YEATS2: variants seen among roughly 807,000 people sequenced by gnomAD.
YEATS2 encodes the protein YEATS domain-containing protein 2.
A neutral mutation model predicts 163.2 loss-of-function variants in YEATS2; 77 were observed. The ratio of observed to expected loss-of-function variants is 0.47; its 90% CI spans 0.39 to 0.57. YEATS2 has a LOEUF of 0.57. Among genes scored for constraint, YEATS2 ranks in the 20% least tolerant of loss-of-function variants. YEATS2 has a pLI of 0.00. For synonymous variants in YEATS2, 631 were observed against 645.1 expected (o/e 0.98, Z 0.33); for missense variants, 1,549 against 1,729.8 (o/e 0.90, Z 1.85).
chr3:183,785,714 A>G (rs779731603), intron 19 of YEATS2, among the ~76,000 whole-genome samples: 2 of 152,198 alleles, frequency 1.3e-5, no homozygotes, highest in African/African-American at 2.4e-5. Context: ...CAGTACTAAA[A>G]TGCTAAGCCT....
At chr3:183,724,287 A>G (rs2109075224) in intron 5 of YEATS2, 132 bp from the exon 6 acceptor site, 1 of 651,740 alleles carries the variant, frequency 1.5e-6, no homozygotes, top group African/African-American at 1.8e-5. Context: ...GAGAGGTGCT[A>G]CAAAGCCAGA....
At chr3:183,793,023 T>A (rs984086625) in intron 21 of YEATS2, 1 of 748,124 alleles carries the variant, frequency 1.3e-6, no homozygotes. Context: ...TTCTATAATC[T>A]GGTATAGACA....
chr3:183,798,917 C>A lies in YEATS2; in HGVS notation c.3253C>A (p.Pro1085Thr). The A allele has an allele frequency of 6.2e-7, 1 of 1,614,056 alleles. No individual in the cohort carries two copies. Among genetic ancestry groups the A allele is most frequent in the Non-Finnish European group, 8.5e-7 (1 of 1,179,928 alleles). ...KVVQSFSTSK[P>T]PAILPVAAPT... ...GGTTCAGTCATTTTCTACCAGCAAG[C>A]CACCTGCCATTCTGCCTGTAGCTGC... The change falls in exon 23 of 31, where the codon CCA (proline) becomes ACA (threonine). Residue 1085 changes from proline to threonine, a missense_variant. Coordinates refer to ENST00000305135, the MANE Select transcript of YEATS2 (RefSeq NM_018023.5).
intron 10 of YEATS2, among the ~76,000 whole-genome samples, chr3:183,752,621 A>G (rs1245069999): frequency 2.7e-5 from 4 of 149,860 alleles, no homozygotes; most frequent in African/African-American, 9.8e-5. Flanking sequence ...AGGCAGGAGA[A>G]TGGCTCGAAC....
chr3:183,714,429 C>T (rs993964701), intron 1 of YEATS2, among the ~76,000 whole-genome samples: 2 of 151,648 alleles, frequency 1.3e-5, no homozygotes, highest in East Asian at 1.9e-4. Flanking sequence ...ATCTCCTGAC[C>T]TCGTGATCCG....
intron 6 of YEATS2, among the ~76,000 whole-genome samples, chr3:183,726,276 A>G (rs1193785419): frequency 6.6e-6 from 1 of 152,162 alleles, no homozygotes; most frequent in Non-Finnish European, 1.5e-5. Context: ...ACTTTTGACT[A>G]CTCTGAACCA....
At chr3:183,713,100 G>A (rs949215013) in intron 1 of YEATS2, among the ~76,000 whole-genome samples, 3 of 152,118 alleles carry the variant, frequency 2.0e-5, no homozygotes, top group African/African-American at 7.2e-5. Flanking sequence ...AAGATGTCCT[G>A]TAAGTGTAAA....
intron 12 of YEATS2, 117 bp from the exon 13 acceptor site, chr3:183,758,745 C>A: frequency 1.3e-6 from 1 of 778,810 alleles, no homozygotes; most frequent in Non-Finnish European, 2.1e-6. Context: ...AATGAGTTTT[C>A]AACCCTTAAA....
rs1161648915 is a variant in YEATS2, at chr3:183,758,946, T to G, written c.1637T>G (p.Phe546Cys). The G allele has an allele frequency of 6.3e-7, 1 of 1,582,358 alleles. No individual in the cohort carries two copies. The highest frequency in any genetic ancestry group is 1.4e-5 in the African/African-American group (1 of 73,162). ...GTTCCTAAAATTCATGGAAGTAGTT[T>G]TGTAACATCTACTGTCAAGGTAACA... ...SPVPKIHGSS[F>C]VTSTVKQEDS... Residue 546 changes from phenylalanine to cysteine, a missense_variant, in exon 13 of 31, where the codon TTT becomes TGT. By Grantham distance (205) the Phe-to-Cys change is radical. Coordinates refer to ENST00000305135, the MANE Select transcript of YEATS2 (RefSeq NM_018023.5).
intron 22 of YEATS2, 44 bp downstream of exon 22, chr3:183,798,095 A>G: frequency 2.5e-6 from 4 of 1,607,298 alleles, no homozygotes; most frequent in Non-Finnish European, 3.4e-6. Flanking sequence ...GGCTGCCTCC[A>G]CATCTCCCCG....
chr3:183,809,085 C>T lies in YEATS2; in HGVS notation c.4087-12C>T. ...ATGGCCATTTGAAGAATAACAGCAT[C>T]TTCCATTGTAGGCTACAGAACAGCT... On this transcript the variant is annotated splice_polypyrimidine_tract_variant and intron_variant, in intron 29 of 30. Transcript: ENST00000305135. 1 of 1,614,052 alleles carries T rather than the reference C, an allele frequency of 6.2e-7. No individual in the cohort carries two copies. The highest frequency in any genetic ancestry group is 8.5e-7 in the Non-Finnish European group (1 of 1,179,938).
chr3:183,750,284 T>C (rs1461777957), intron 9 of YEATS2, among the ~76,000 whole-genome samples: 1 of 152,206 alleles, frequency 6.6e-6, no homozygotes, highest in Non-Finnish European at 1.5e-5. Context: ...GGCTGAATAA[T>C]ACTGCATTGT....
chr3:183,804,987 T>TA (rs1726038513), intron 27 of YEATS2, among the ~76,000 whole-genome samples: 2 of 147,818 alleles, frequency 1.4e-5, no homozygotes, highest in East Asian at 2.2e-4. Context: ...AGACTCCGTC[T>TA]CAAAAAAAAA....
At chr3:183,746,978 G>C (rs904514758) in intron 8 of YEATS2, among the ~76,000 whole-genome samples, 8 of 150,316 alleles carry the variant, frequency 5.3e-5, no homozygotes, top group African/African-American at 2.0e-4. Context: ...GTTATCACAA[G>C]TTCTTTTTTT....
At chr3:183,759,819 G>A (rs945043399) in intron 13 of YEATS2, among the ~76,000 whole-genome samples, 3 of 152,224 alleles carry the variant, frequency 2.0e-5, no homozygotes, top group African/African-American at 7.2e-5. Context: ...GGCCTATGAT[G>A]TTTTCCCCTT....
intron 24 of YEATS2, 99 bp from the exon 25 acceptor site, chr3:183,801,356 A>C: frequency 4.1e-6 from 3 of 733,984 alleles, no homozygotes; most frequent in South Asian, 5.1e-5. Flanking sequence ...TAATTCCCTC[A>C]GAACGGAATA....
intron 1 of YEATS2, among the ~76,000 whole-genome samples, chr3:183,713,248 C>T (rs1470199665): frequency 1.3e-5 from 2 of 152,098 alleles, no homozygotes; most frequent in African/African-American, 4.8e-5. Context: ...AAATTGGTTT[C>T]ACCCATTTCA....
chr3:183,714,772 G>A (rs918250412), intron 1 of YEATS2, among the ~76,000 whole-genome samples: 2 of 152,158 alleles, frequency 1.3e-5, no homozygotes, highest in African/African-American at 4.8e-5. Flanking sequence ...TTTCATCAAA[G>A]TCTGGTTCCT....
chr3:183,763,855 G>A (rs963438394), intron 15 of YEATS2, among the ~76,000 whole-genome samples: 4 of 152,028 alleles, frequency 2.6e-5, no homozygotes, highest in Admixed American at 2.0e-4. Context: ...ATCACTTCAG[G>A]TCAGGAGTTT....
Sources: gnomAD v4.1 joint callset for allele counts (sites outside exome capture counted in the v4.1 genomes callset) on GRCh38, gnomAD v4.1.1 for gene constraint, MANE v1.5 for transcripts, NCBI Gene and HGNC (gene_info 2026-07-23, HGNC 2026-07-21) for gene names.